The following ROCK2 variants were observed in gnomAD, a reference collection of about 807,000 sequenced individuals.
ROCK2 encodes Rho associated coiled-coil containing protein kinase 2, also known as rho-associated protein kinase 2.
In ROCK2, 61 loss-of-function variants were observed where a neutral mutation model predicts 195.1. The ratio of observed to expected loss-of-function variants is 0.31; its 90% CI spans 0.25 to 0.39. The LOEUF is 0.39. ROCK2 is among the 10% of genes least tolerant of loss of function. The pLI is 1.00. For missense variants in ROCK2, 1,109 were observed against 1,637.4 expected, an observed-to-expected ratio of 0.68 and a Z score of 5.57; for synonymous variants, 504 against 545.5, an observed-to-expected ratio of 0.92 and a Z score of 1.06.
intron 4 of ROCK2, among the ~76,000 whole-genome samples, chr2:11,238,381 C>T (rs1488945272): frequency 6.6e-6 from 1 of 152,032 alleles, no homozygotes; most frequent in Non-Finnish European, 1.5e-5. Context: ...TCATTATATT[C>T]AATGCAATCT....
At chr2:11,330,848 GGGGGAGGAA>G (rs1668715539) in intron 1 of ROCK2, among the ~76,000 whole-genome samples, 1 of 17,988 alleles carries the variant, frequency 5.6e-5, no homozygotes, top group Non-Finnish European at 1.6e-4. Flanking sequence ...GGGAGGAGGA[GGGGGAGGAA>G]GAGGGAGGAG....
intron 3 of ROCK2, among the ~76,000 whole-genome samples, chr2:11,267,349 A>T (rs1490623200): frequency 6.6e-6 from 1 of 152,206 alleles, no homozygotes; most frequent in Non-Finnish European, 1.5e-5. Flanking sequence ...GGTCACCACG[A>T]TCTCTGAGTT....
In ROCK2 at chr2:11,183,487, TAA is replaced by T. The variant is rs755960860; in HGVS notation, c.4164-49_4164-48del. The T allele has an allele frequency of 5.4e-4, 756 of 1,393,798 alleles. 2 individuals carry two copies. The highest frequency in any genetic ancestry group is 5.1e-4 in the Non-Finnish European group (510 of 995,966). The allele number at this position is 1,393,798 out of a possible 1,614,324, so 86.3% of individuals were successfully genotyped here. On this transcript the variant is annotated intron_variant, in intron 32 of 32. Transcript: ENST00000315872. ...AGTTAGTTGATACAGTGAAATAATT[TAA>T]GAGTGTTAAATTCCTAGAAAAAGCA...
chr2:11,216,108 C>A, intron 13 of ROCK2, 50 bp downstream of exon 13: 1 of 1,458,936 alleles, frequency 6.9e-7, no homozygotes, highest in South Asian at 1.1e-5. Flanking sequence ...AGTCAGACAT[C>A]AAAGATTTTT....
At chr2:11,263,029 A>G (rs992916261) in intron 3 of ROCK2, among the ~76,000 whole-genome samples, 1 of 152,200 alleles carries the variant, frequency 6.6e-6, no homozygotes, top group African/African-American at 2.4e-5. Context: ...CAAATGGGGG[A>G]TACAGAAATT....
chr2:11,192,057 A>C lies in ROCK2; in HGVS notation c.4163+91T>G. ...GTTAACTAAAATACAAAGCAAAGGAAAACTAATTAGGAAAATTTGTAGTTT... is the reference window on the plus strand; with the variant it reads ...GTTAACTAAAATACAAAGCAAAGGACAACTAATTAGGAAAATTTGTAGTTT... On this transcript the variant is annotated intron_variant, in intron 32 of 32. Transcript: ENST00000315872. This position sits in a 1 kb window ranked among gnomAD's most constrained non-coding sequence, Gnocchi z 5.0. 1 of 925,376 alleles carries C rather than the reference A, an allele frequency of 1.1e-6. No individual in the cohort carries two copies. Among genetic ancestry groups the C allele is most frequent in the Non-Finnish European group, 1.6e-6 (1 of 609,092 alleles). The allele number at this position is 925,376 out of a possible 1,614,324, so 57.3% of individuals were successfully genotyped here.
At chr2:11,221,420 T>A in intron 8 of ROCK2, 63 bp from the exon 9 acceptor site, 1 of 1,117,012 alleles carries the variant, frequency 9.0e-7, no homozygotes, top group Non-Finnish European at 1.2e-6. Flanking sequence ...CATCCTATTT[T>A]ATTATGATGT....
At chr2:11,297,374 AT>A (rs1667569177) in intron 1 of ROCK2, among the ~76,000 whole-genome samples, 1 of 152,102 alleles carries the variant, frequency 6.6e-6, no homozygotes, top group African/African-American at 2.4e-5. Context: ...TCATAATAAA[AT>A]ATAGCAAATC....
chr2:11,274,552 GACTA>G (rs1334276863), intron 3 of ROCK2, among the ~76,000 whole-genome samples: 1 of 152,072 alleles, frequency 6.6e-6, no homozygotes, highest in Non-Finnish European at 1.5e-5. Context: ...AATCTACCAA[GACTA>G]ACTCACACAA....
intron 4 of ROCK2, among the ~76,000 whole-genome samples, chr2:11,248,007 G>A (rs777537543): frequency 3.3e-5 from 5 of 151,938 alleles, no homozygotes; most frequent in Non-Finnish European, 7.4e-5. Context: ...GGGTGACAGA[G>A]GGAGACTCCG....
At chr2:11,339,754 A>C (rs1669046043) in intron 1 of ROCK2, among the ~76,000 whole-genome samples, 1 of 152,172 alleles carries the variant, frequency 6.6e-6, no homozygotes, top group African/African-American at 2.4e-5. Context: ...TATTGTTTAG[A>C]GATACACACA....
chr2:11,302,995 C>T (rs1667752361), intron 1 of ROCK2, among the ~76,000 whole-genome samples: 1 of 152,162 alleles, frequency 6.6e-6, no homozygotes, highest in Admixed American at 6.5e-5. Flanking sequence ...TCCTCACAGT[C>T]TTTCACCACA....
At chr2:11,334,067 C>T (rs534255287) in intron 1 of ROCK2, among the ~76,000 whole-genome samples, 9 of 152,164 alleles carry the variant, frequency 5.9e-5, no homozygotes, top group Non-Finnish European at 1.3e-4. Flanking sequence ...CTAAACCCAT[C>T]CTCCCTGCAT....
Position 11,211,856 on chromosome 2 carries a change from A to T in ROCK2, c.2044-16T>A, listed in dbSNP as rs751727089. On this transcript the variant is annotated splice_polypyrimidine_tract_variant and intron_variant, in intron 17 of 32. Transcript: ENST00000315872. Reference sequence around the variant, plus strand: ...TGCTTTTTTCCTATTAAATATTTAAAATGCAGCTATCAACAAAAAAGAGAC... The same window carrying T: ...TGCTTTTTTCCTATTAAATATTTAATATGCAGCTATCAACAAAAAAGAGAC... The T allele has an allele frequency of 1.3e-6, 2 of 1,551,470 alleles. No individual in the cohort carries two copies. Among genetic ancestry groups the T allele is most frequent in the Non-Finnish European group, 1.7e-6 (2 of 1,152,468 alleles).
At chr2:11,290,778 G>A (rs969665985) in intron 1 of ROCK2, among the ~76,000 whole-genome samples, 3 of 152,090 alleles carry the variant, frequency 2.0e-5, no homozygotes, top group Admixed American at 6.5e-5. Context: ...CTGATTACGA[G>A]AAAATCAGTA....
At chr2:11,208,956 T>TA (rs1664155994) in intron 18 of ROCK2, among the ~76,000 whole-genome samples, 1 of 152,210 alleles carries the variant, frequency 6.6e-6, no homozygotes, top group Non-Finnish European at 1.5e-5. Context: ...TCACAGGGTG[T>TA]AAAAATGTAT....
intron 1 of ROCK2, among the ~76,000 whole-genome samples, chr2:11,328,447 G>C (rs1283171868): frequency 6.6e-6 from 1 of 152,150 alleles, no homozygotes; most frequent in Non-Finnish European, 1.5e-5. Context: ...CAGAACACTA[G>C]CACATATAGT....
At chr2:11,218,562 C>G in intron 10 of ROCK2, 96 bp from the exon 11 acceptor site, 1 of 827,636 alleles carries the variant, frequency 1.2e-6, no homozygotes, top group East Asian at 2.6e-5. Flanking sequence ...AATTATCCAA[C>G]CTAATGCTTT....
chr2:11,268,015 C>T (rs1666480763), intron 3 of ROCK2, among the ~76,000 whole-genome samples: 1 of 152,014 alleles, frequency 6.6e-6, no homozygotes, highest in African/African-American at 2.4e-5. Context: ...AAATCACCAT[C>T]CATCCTACCA....
Sources: gnomAD v4.1 joint callset for allele counts (sites outside exome capture counted in the v4.1 genomes callset) on GRCh38, gnomAD v4.1.1 for gene constraint, Gnocchi (gnomAD v3.1) non-coding constraint, MANE v1.5 for transcripts, NCBI Gene and HGNC (gene_info 2026-07-23, HGNC 2026-07-21) for gene names.